YAP1: variants seen among roughly 807,000 people sequenced by gnomAD.
YAP1 encodes the protein transcriptional coactivator YAP1.
In YAP1, 5 loss-of-function variants were observed where a neutral mutation model predicts 56.9. That is an observed-to-expected ratio of 0.09 (90% CI 0.05 to 0.18). The LOEUF (loss-of-function observed/expected upper bound fraction) is 0.18. YAP1 is among the 10% of genes least tolerant of loss of function. The pLI is 1.00. For synonymous variants in YAP1, 265 were observed against 248.1 expected (o/e 1.07, Z -0.64); for missense variants, 539 against 651.8 (o/e 0.83, Z 1.88).
At chr11:102,112,315 A>G in intron 1 of YAP1, 1 of 815,842 alleles carries the variant, frequency 1.2e-6, no homozygotes, top group Non-Finnish European at 1.5e-6. Context: ...TGCCAACTTG[A>G]TTCAGCATAG....
intron 3 of YAP1, among the ~76,000 whole-genome samples, chr11:102,179,882 A>G (rs1246381321): frequency 6.6e-6 from 1 of 152,144 alleles, no homozygotes; most frequent in African/African-American, 2.4e-5. Flanking sequence ...CTGTCCCTTC[A>G]GTTTAAATGA....
intron 2 of YAP1, among the ~76,000 whole-genome samples, chr11:102,143,772 AAGT>A (rs1945161076): frequency 6.6e-6 from 1 of 152,202 alleles, no homozygotes; most frequent in Non-Finnish European, 1.5e-5. Context: ...ATTGACTTAG[AAGT>A]TGATAAAGAT....
At chr11:102,228,432 C>G (rs1307825196) in intron 8 of YAP1, among the ~76,000 whole-genome samples, 1 of 151,726 alleles carries the variant, frequency 6.6e-6, no homozygotes, top group Non-Finnish European at 1.5e-5. Context: ...GTCATAAGTT[C>G]AAGACCAGCC....
chr11:102,161,429 A>G (rs1052339158), intron 2 of YAP1, among the ~76,000 whole-genome samples: 4 of 151,456 alleles, frequency 2.6e-5, no homozygotes, highest in African/African-American at 4.9e-5. Flanking sequence ...TTTATAACCT[A>G]TTTTTAAAAA....
chr11:102,164,163 G>A (rs1284289488), intron 3 of YAP1, among the ~76,000 whole-genome samples: 3 of 151,502 alleles, frequency 2.0e-5, no homozygotes, highest in South Asian at 2.1e-4. Flanking sequence ...TCAGCCTCCC[G>A]AGCTGGTACT....
At chr11:102,128,741 T>G (rs1944190666) in intron 2 of YAP1, among the ~76,000 whole-genome samples, 1 of 152,234 alleles carries the variant, frequency 6.6e-6, no homozygotes, top group Non-Finnish European at 1.5e-5. Flanking sequence ...TTCAGAAGGT[T>G]TGGATTCTGG....
In YAP1 at chr11:102,110,943, G is replaced by T. The variant is rs1942856614; in HGVS notation, c.95G>T (p.Gly32Val). ...QPPQGQGPPS[G>V]PGQPAPAATQ... ...CCGCAGGGGCAGGGCCCGCCGTCCG[G>T]ACCCGGGCAACCGGCACCCGCGGCG... The change falls in exon 1 of 9, where the codon GGA becomes GTA. Residue 32 changes from glycine to valine, a missense_variant. By Grantham distance (109) the Gly-to-Val change is moderately radical. This residue lies in a region of YAP1 where 106 missense variants were observed against 86.6 expected (regional missense o/e 1.22). Coordinates refer to ENST00000282441, the MANE Select transcript of YAP1 (RefSeq NM_001130145.3). The T allele has an allele frequency of 6.7e-7, 1 of 1,497,440 alleles. No individual in the cohort carries two copies. Among genetic ancestry groups the T allele is most frequent in the Non-Finnish European group, 8.9e-7 (1 of 1,125,262 alleles). 92.8% of individuals were successfully genotyped at this position (1,497,440 alleles called of 1,614,324 possible). A position where few individuals can be genotyped will look rare whatever the true frequency, so the allele number is the denominator to read the frequency against.
chr11:102,225,399 C>T (rs984235620), intron 7 of YAP1, among the ~76,000 whole-genome samples: 4 of 152,130 alleles, frequency 2.6e-5, no homozygotes, highest in Admixed American at 6.5e-5. Context: ...GCAGGAGAAT[C>T]GCTTGAACCC....
intron 6 of YAP1, among the ~76,000 whole-genome samples, chr11:102,216,175 G>C (rs1591445903): frequency 6.6e-6 from 1 of 152,164 alleles, no homozygotes. Context: ...TGCTTCTGGG[G>C]AGGAACAGTT....
At chr11:102,174,736 G>T (rs1313325129) in intron 3 of YAP1, among the ~76,000 whole-genome samples, 1 of 152,170 alleles carries the variant, frequency 6.6e-6, no homozygotes, top group Non-Finnish European at 1.5e-5. Context: ...CTAAGTCCTA[G>T]GGATACAAAG....
chr11:102,200,091 T>C (rs1948773978), intron 4 of YAP1, among the ~76,000 whole-genome samples: 1 of 152,250 alleles, frequency 6.6e-6, no homozygotes, highest in African/African-American at 2.4e-5. Context: ...TATACACATA[T>C]ATACATGTAT....
rs141914967 is a variant in YAP1, at chr11:102,119,140, G to A, written c.572+4746G>A. ...TGAAAGTACGCCCTTAGCTCTGGGG[G>A]GTGGGGGAGAGCTTACTTCTGCTCA... On this transcript the variant is annotated intron_variant, in intron 2 of 8. Transcript: ENST00000282441. Among the ~76,000 whole-genome samples, 38 of 151,980 alleles carry A rather than the reference G, an allele frequency of 2.5e-4. No individual in the cohort carries two copies. In the East Asian group the frequency reaches 6.3e-3, roughly 25 times the overall value.
At chr11:102,211,103 A>G (rs76505016) in intron 6 of YAP1, among the ~76,000 whole-genome samples, 1,787 of 152,306 alleles carry the variant, frequency 0.012, 22 homozygotes, top group Non-Finnish European at 0.02. Flanking sequence ...TGAAATAGAA[A>G]CTAATATAGG....
chr11:102,115,479 A>G (rs1213503374), intron 2 of YAP1, among the ~76,000 whole-genome samples: 4 of 152,146 alleles, frequency 2.6e-5, no homozygotes, highest in Non-Finnish European at 5.9e-5. Flanking sequence ...GCTACTTTGT[A>G]ATGTAAGATA....
intron 4 of YAP1, among the ~76,000 whole-genome samples, chr11:102,205,157 T>TTC (rs1207455032): frequency 6.7e-6 from 1 of 150,222 alleles, no homozygotes; most frequent in Non-Finnish European, 1.5e-5. Context: ...AAAAAAAAAT[T>TTC]TTTTTTTTTT....
intron 2 of YAP1, among the ~76,000 whole-genome samples, chr11:102,148,157 A>G (rs1372724173): frequency 1.3e-5 from 2 of 152,202 alleles, no homozygotes; most frequent in African/African-American, 2.4e-5. Flanking sequence ...CAGTTTCATA[A>G]CATGAAATTA....
In YAP1 at chr11:102,224,820, C is replaced by A. The variant is rs578043448; in HGVS notation, c.1163+1068C>A. Among the ~76,000 whole-genome samples the A allele has an allele frequency of 2.0e-5, 3 of 152,304 alleles. No homozygotes were observed. The East Asian group carries it at 5.8e-4, about 29-fold the overall frequency. ...ATTTATATAAGATTATAGTTCTAGA[C>A]TTAAACTGAGGCTAATTAAGAGAGG... On this transcript the variant is annotated intron_variant, in intron 7 of 8. Transcript: ENST00000282441.
intron 3 of YAP1, among the ~76,000 whole-genome samples, chr11:102,184,991 T>G (rs1410134999): frequency 6.6e-6 from 1 of 152,176 alleles, no homozygotes; most frequent in African/African-American, 2.4e-5. Flanking sequence ...CTGTAAGAAT[T>G]AAATGAATTA....
chr11:102,117,537 T>C (rs1470002232), intron 2 of YAP1, among the ~76,000 whole-genome samples: 1 of 152,178 alleles, frequency 6.6e-6, no homozygotes, highest in East Asian at 1.9e-4. Flanking sequence ...CCATAGATGA[T>C]TGAGTTTTTG....
Sources: gnomAD v4.1 joint callset for allele counts (sites outside exome capture counted in the v4.1 genomes callset) on GRCh38, gnomAD v4.1.1 for gene constraint, gnomAD v4.1.1 regional missense constraint, MANE v1.5 for transcripts, NCBI Gene and HGNC (gene_info 2026-07-23, HGNC 2026-07-21) for gene names.